DPP10: variants seen among roughly 807,000 people sequenced by gnomAD.
DPP10 encodes inactive dipeptidyl peptidase 10.
DPP10 carries 33 observed loss-of-function variants against 120.9 expected under a neutral mutation model. The observed-to-expected ratio is 0.27, with a 90% CI of 0.21 to 0.37. The LOEUF (loss-of-function observed/expected upper bound fraction) is 0.37, where lower values mean the gene tolerates loss of function less well. DPP10 is among the 10% of genes least tolerant of loss of function. DPP10 has a pLI of 1.00. For synonymous variants in DPP10, 337 were observed against 326.1 expected (o/e 1.03, Z -0.36); for missense variants, 816 against 942.8 (o/e 0.87, Z 1.76).
rs993515810 is a variant in DPP10, at chr2:114,840,768, A to G, written c.60+397930A>G. Among the ~76,000 whole-genome samples, 16 of 152,286 alleles carry G rather than the reference A, an allele frequency of 1.1e-4. No homozygotes were observed. The Middle Eastern group carries it at 0.01, about 97-fold the overall frequency. On this transcript the variant is annotated intron_variant, in intron 1 of 25. Coordinates refer to ENST00000410059, the MANE Select transcript of DPP10 (RefSeq NM_020868.6). ...CTTCTTTCTGTCGCTAATCCACATAAGAGAGATACGTATTGTCACTCTATT... is the reference window on the plus strand; with the variant it reads ...CTTCTTTCTGTCGCTAATCCACATAGGAGAGATACGTATTGTCACTCTATT...
chr2:114,880,188 T>A (rs1407616811), intron 1 of DPP10, among the ~76,000 whole-genome samples: 1 of 152,146 alleles, frequency 6.6e-6, no homozygotes, highest in Non-Finnish European at 1.5e-5. Flanking sequence ...ATAAAAGACA[T>A]CCACAACATA....
chr2:115,789,992 T>C (rs1683763010), intron 17 of DPP10, among the ~76,000 whole-genome samples: 1 of 152,138 alleles, frequency 6.6e-6, no homozygotes, highest in African/African-American at 2.4e-5. Context: ...GTATACAATA[T>C]GTACACATGG....
intron 3 of DPP10, among the ~76,000 whole-genome samples, chr2:115,351,027 A>G (rs1192420498): frequency 6.6e-6 from 1 of 152,084 alleles, no homozygotes; most frequent in Non-Finnish European, 1.5e-5. Flanking sequence ...ATGGGTATAT[A>G]CCCAAAGGAA....
intron 21 of DPP10, among the ~76,000 whole-genome samples, chr2:115,832,670 T>G (rs965187612): frequency 1.3e-5 from 2 of 152,194 alleles, no homozygotes; most frequent in Non-Finnish European, 2.9e-5. Context: ...TTTACAAAAA[T>G]AGTAAAATAT....
At chr2:115,056,644 C>T (rs1705941553) in intron 1 of DPP10, among the ~76,000 whole-genome samples, 1 of 152,154 alleles carries the variant, frequency 6.6e-6, no homozygotes, top group South Asian at 2.1e-4. Context: ...GAGGCATAAG[C>T]CACTGGACCT....
intron 5 of DPP10, among the ~76,000 whole-genome samples, chr2:115,651,881 G>C (rs1000166300): frequency 6.6e-5 from 10 of 151,988 alleles, no homozygotes; most frequent in African/African-American, 2.4e-4. Flanking sequence ...ACACTCAACT[G>C]AATTGAATTT....
At chr2:115,206,409 A>G (rs1489095201) in intron 1 of DPP10, among the ~76,000 whole-genome samples, 1 of 152,194 alleles carries the variant, frequency 6.6e-6, no homozygotes, top group Non-Finnish European at 1.5e-5. Context: ...CACAGAGTCC[A>G]GGTACATGTG....
chr2:114,990,167 C>T (rs1342033388), intron 1 of DPP10, among the ~76,000 whole-genome samples: 1 of 152,096 alleles, frequency 6.6e-6, no homozygotes, highest in African/African-American at 2.4e-5. Context: ...TTTAAATAAA[C>T]TACAGTCTTA....
chr2:115,237,842 A>C (rs2058077047), intron 1 of DPP10, among the ~76,000 whole-genome samples: 1 of 152,172 alleles, frequency 6.6e-6, no homozygotes, highest in Non-Finnish European at 1.5e-5. Flanking sequence ...AGATGAGGAA[A>C]TTGCAAAGGA....
chr2:115,032,896 A>AAG (rs1553474616), intron 1 of DPP10, among the ~76,000 whole-genome samples: 215 of 151,536 alleles, frequency 1.4e-3, no homozygotes, highest in Non-Finnish European at 2.7e-3. Context: ...AAAAAAAAAA[A>AAG]AAGAAGAAGA....
intron 1 of DPP10, among the ~76,000 whole-genome samples, chr2:115,193,819 T>C (rs534933963): frequency 2.0e-5 from 3 of 152,306 alleles, no homozygotes; most frequent in Admixed American, 2.0e-4. Context: ...TGTGTCTTTT[T>C]CCCTCAATCA....
chr2:114,508,547 A>C (rs1208101472), intron 1 of DPP10, among the ~76,000 whole-genome samples: 1 of 152,162 alleles, frequency 6.6e-6, no homozygotes, highest in Admixed American at 6.5e-5. Flanking sequence ...GTTGCTATAA[A>C]CACTTGATTG....
intron 1 of DPP10, among the ~76,000 whole-genome samples, chr2:114,649,531 T>C (rs1342067938): frequency 2.0e-5 from 3 of 151,978 alleles, no homozygotes; most frequent in African/African-American, 7.2e-5. Flanking sequence ...TTTCTGTATT[T>C]TTAGTAGAGA....
At chr2:114,861,212 A>G (rs530975385) in intron 1 of DPP10, among the ~76,000 whole-genome samples, 108 of 152,336 alleles carry the variant, frequency 7.1e-4, no homozygotes, top group Non-Finnish European at 1.3e-3. Context: ...AACAGAGAGT[A>G]GGCAGACTGT....
At chr2:115,507,034 GCACACA>G (rs71394148) in intron 4 of DPP10, among the ~76,000 whole-genome samples, 2 of 148,800 alleles carry the variant, frequency 1.3e-5, no homozygotes, top group African/African-American at 2.5e-5. Flanking sequence ...ACACGCACGC[GCACACA>G]CACACACACA....
At chr2:115,064,359 A>C (rs1706666689) in intron 1 of DPP10, among the ~76,000 whole-genome samples, 1 of 152,128 alleles carries the variant, frequency 6.6e-6, no homozygotes, top group African/African-American at 2.4e-5. Context: ...AAGAAGGGAG[A>C]GCCAATAGAA....
chr2:115,157,510 T>C (rs193005609), intron 1 of DPP10, among the ~76,000 whole-genome samples: 3 of 152,182 alleles, frequency 2.0e-5, no homozygotes, highest in Non-Finnish European at 4.4e-5. Flanking sequence ...GTATCACTTA[T>C]ATATATAGTG....
chr2:115,286,526 A>ATATATATATAATATATATATAT (rs10675008), intron 1 of DPP10, among the ~76,000 whole-genome samples: 2 of 60,950 alleles, frequency 3.3e-5, no homozygotes, highest in South Asian at 1.0e-3. Context: ...ATATATATAT[A>ATATATATATAATATATATATAT]ATATATATAT....
chr2:114,564,103 C>T (rs1340436933), intron 1 of DPP10, among the ~76,000 whole-genome samples: 9 of 152,108 alleles, frequency 5.9e-5, no homozygotes, highest in East Asian at 1.9e-4. Context: ...ATGGATCCAA[C>T]GCTGTCCTGT....
Sources: allele counts gnomAD v4.1 joint callset (sites outside exome capture counted in the v4.1 genomes callset), GRCh38; gene constraint gnomAD v4.1.1; transcripts MANE v1.5; gene names NCBI Gene and HGNC (gene_info 2026-07-23, HGNC 2026-07-21).